The following CDH8 variants were observed in gnomAD, a reference collection of about 807,000 sequenced individuals.
The protein encoded by CDH8 is cadherin 8.
In CDH8, 17 loss-of-function variants were observed where a neutral mutation model predicts 68.1. The ratio of observed to expected loss-of-function variants is 0.25; its 90% CI spans 0.17 to 0.37. The LOEUF is 0.37. CDH8 is among the 10% of genes least tolerant of loss of function. CDH8 has a pLI of 1.00. For synonymous variants in CDH8, 372 were observed against 365.1 expected, an observed-to-expected ratio of 1.02 and a Z score of -0.21; for missense variants, 763 against 999.3, an observed-to-expected ratio of 0.76 and a Z score of 3.19.
At chr16:61,793,241 A>G (rs769207489) in intron 7 of CDH8, among the ~76,000 whole-genome samples, 7 of 151,632 alleles carry the variant, frequency 4.6e-5, no homozygotes, top group Non-Finnish European at 8.8e-5. Context: ...CGATTAATTC[A>G]TTTCTTTTTT....
intron 1 of CDH8, among the ~76,000 whole-genome samples, chr16:62,031,119 T>C (rs1378404722): frequency 6.6e-6 from 1 of 152,208 alleles, no homozygotes; most frequent in East Asian, 1.9e-4. Context: ...AATATAACTT[T>C]GCATCAAATA....
chr16:61,703,835 A>T (rs909656584), intron 10 of CDH8, among the ~76,000 whole-genome samples: 8 of 142,658 alleles, frequency 5.6e-5, no homozygotes, highest in Non-Finnish European at 1.2e-4. Context: ...ACTCCATATA[A>T]AAAAAAAAAG....
intron 10 of CDH8, among the ~76,000 whole-genome samples, chr16:61,707,760 A>T (rs139127333): frequency 0.022 from 3,383 of 151,894 alleles, 67 homozygotes; most frequent in Non-Finnish European, 0.033. Context: ...TCTTTTTTCA[A>T]AAAAAAAGAA....
chr16:61,833,305 T>G (rs1962501894), intron 4 of CDH8, among the ~76,000 whole-genome samples: 1 of 151,564 alleles, frequency 6.6e-6, no homozygotes, highest in South Asian at 2.1e-4. Context: ...AATTTTGTAT[T>G]TTTTTATAAA....
At chr16:61,875,015 C>A (rs2143079527) in intron 3 of CDH8, among the ~76,000 whole-genome samples, 1 of 152,218 alleles carries the variant, frequency 6.6e-6, no homozygotes, top group South Asian at 2.1e-4. Flanking sequence ...TTTTAAAAAT[C>A]TTTGGTGGAA....
intron 2 of CDH8, among the ~76,000 whole-genome samples, chr16:61,903,794 A>T (rs1365950578): frequency 6.6e-6 from 1 of 152,198 alleles, no homozygotes; most frequent in African/African-American, 2.4e-5. Flanking sequence ...AAAATTATTA[A>T]AACAGAGAAG....
At chr16:61,753,661 C>G (rs1024034513) in intron 8 of CDH8, among the ~76,000 whole-genome samples, 31 of 152,162 alleles carry the variant, frequency 2.0e-4, no homozygotes, top group Middle Eastern at 3.4e-3. Flanking sequence ...AAGATGGTAA[C>G]AGAGACACTG....
intron 2 of CDH8, among the ~76,000 whole-genome samples, chr16:61,981,787 T>C (rs1283221073): frequency 1.3e-5 from 2 of 152,128 alleles, no homozygotes; most frequent in Non-Finnish European, 2.9e-5. Flanking sequence ...TGGACAGTAA[T>C]ATAATAAAGA....
At position 61,911,165 on chromosome 16, in the gene CDH8, C is replaced by T. The variant is rs113405337; in HGVS notation, c.253-9692G>A. ...ATAACTCCAAGAGTGGAAGGATGGA[C>T]GGATGGATGGATGGATGGATGAATG... On this transcript the variant is annotated intron_variant, in intron 2 of 11. Transcript: ENST00000577390. Among the ~76,000 whole-genome samples the T allele has an allele frequency of 9.1e-4, 138 of 151,604 alleles. 2 individuals carry two copies. The highest frequency in any genetic ancestry group is 6.8e-3 in the Middle Eastern group (2 of 294).
chr16:61,829,311 G>C (rs1962407865), intron 4 of CDH8, among the ~76,000 whole-genome samples: 1 of 151,702 alleles, frequency 6.6e-6, no homozygotes, highest in African/African-American at 2.4e-5. Context: ...CTAGCATCTG[G>C]TGCTGCATTC....
At chr16:61,856,375 T>C (rs908178349) in intron 4 of CDH8, among the ~76,000 whole-genome samples, 2 of 152,134 alleles carry the variant, frequency 1.3e-5, no homozygotes, top group African/African-American at 4.8e-5. Context: ...CAAAATATGT[T>C]TGATCTCTTA....
In CDH8 at chr16:61,707,092, C is replaced by T. The variant is rs532501290; in HGVS notation, c.1654+6749G>A. ...GTTTGCAGACATGTTCAATCATTGG[C>T]CCATCGAGTAAGGGAAAATGGAAAA... On this transcript the variant is annotated intron_variant, in intron 10 of 11. Coordinates refer to ENST00000577390, the MANE Select transcript of CDH8 (RefSeq NM_001796.5). 1.4e-4 allele frequency among the ~76,000 whole-genome samples: 22 copies of T among 152,246 alleles called. No homozygotes were observed. The South Asian group carries it at 4.4e-3, about 30-fold the overall frequency.
chr16:61,787,943 G>GGGT (rs1555510339), intron 8 of CDH8, among the ~76,000 whole-genome samples: 3 of 126,550 alleles, frequency 2.4e-5, no homozygotes, highest in Non-Finnish European at 4.9e-5. Context: ...GACTGTGGTG[G>GGGT]GGGGGGCGGG....
intron 8 of CDH8, among the ~76,000 whole-genome samples, chr16:61,752,441 T>A (rs965032611): frequency 2.0e-5 from 3 of 152,154 alleles, no homozygotes; most frequent in Admixed American, 2.0e-4. Context: ...TGAGATAATA[T>A]AAGACAAAAC....
At chr16:61,895,296 G>T (rs1195897073) in intron 3 of CDH8, among the ~76,000 whole-genome samples, 1 of 152,042 alleles carries the variant, frequency 6.6e-6, no homozygotes, top group Non-Finnish European at 1.5e-5. Flanking sequence ...GAGCATACTG[G>T]TTAAGCCCAT....
chr16:61,812,334 T>C (rs181659348), intron 7 of CDH8, among the ~76,000 whole-genome samples: 4 of 152,326 alleles, frequency 2.6e-5, no homozygotes, highest in South Asian at 4.1e-4. Context: ...GCAATGCTTC[T>C]GTGTTGAGTG....
intron 8 of CDH8, among the ~76,000 whole-genome samples, chr16:61,735,234 G>A (rs950461880): frequency 1.3e-5 from 2 of 152,008 alleles, no homozygotes; most frequent in Admixed American, 6.6e-5. Flanking sequence ...GGTTTCTGGG[G>A]TTTCGAACTG....
At chr16:61,692,792 TA>T (rs1360231454) in intron 10 of CDH8, 2 of 152,122 alleles carry the variant, frequency 1.3e-5, no homozygotes, top group East Asian at 3.9e-4. Flanking sequence ...CTAAAATATG[TA>T]AGATTGACTT....
At chr16:61,967,659 C>T (rs898975873) in intron 2 of CDH8, among the ~76,000 whole-genome samples, 2 of 152,120 alleles carry the variant, frequency 1.3e-5, no homozygotes, top group South Asian at 2.1e-4. Context: ...GTGACTGTGA[C>T]TGAGGTCAGG....
Sources: allele counts gnomAD v4.1 joint callset (sites outside exome capture counted in the v4.1 genomes callset), GRCh38; gene constraint gnomAD v4.1.1; transcripts MANE v1.5; gene names NCBI Gene and HGNC (gene_info 2026-07-23, HGNC 2026-07-21).